ASIC2: variants seen among roughly 807,000 people sequenced by gnomAD.
The protein encoded by ASIC2 is acid-sensing ion channel 2.
ASIC2 carries 25 observed loss-of-function variants against 57.3 expected under a neutral mutation model. That is an observed-to-expected ratio of 0.44 (90% CI 0.32 to 0.61). The LOEUF is 0.61. ASIC2 is among the 20% of genes least tolerant of loss of function. The pLI, the probability that ASIC2 is intolerant of heterozygous loss-of-function variation, is 0.06. For synonymous variants in ASIC2, 319 were observed against 307.5 expected (o/e 1.04, Z -0.39); for missense variants, 641 against 738.1 (o/e 0.87, Z 1.52).
intron 3 of ASIC2, among the ~76,000 whole-genome samples, chr17:33,054,499 A>G (rs1870878907): frequency 6.6e-6 from 1 of 152,176 alleles, no homozygotes; most frequent in Non-Finnish European, 1.5e-5. Flanking sequence ...AACATTGTGC[A>G]GTCATGTGAG....
chr17:33,097,806 C>A (rs1185594089), intron 2 of ASIC2, among the ~76,000 whole-genome samples: 1 of 152,174 alleles, frequency 6.6e-6, no homozygotes, highest in East Asian at 1.9e-4. Flanking sequence ...GCAGCCCCAG[C>A]CTTGAGATCC....
intron 1 of ASIC2, among the ~76,000 whole-genome samples, chr17:33,910,127 T>A (rs1318954252): frequency 6.6e-6 from 1 of 152,212 alleles, no homozygotes; most frequent in Admixed American, 6.5e-5. Flanking sequence ...CTATTAATAT[T>A]CAAACAGCTT....
chr17:33,719,429 C>T (rs922846444), intron 1 of ASIC2, among the ~76,000 whole-genome samples: 12 of 152,208 alleles, frequency 7.9e-5, no homozygotes, highest in African/African-American at 2.4e-4. Flanking sequence ...CTGCTGCTAG[C>T]GCACAGAGCT....
chr17:34,094,335 A>G (rs1284487448), intron 1 of ASIC2, among the ~76,000 whole-genome samples: 5 of 152,222 alleles, frequency 3.3e-5, no homozygotes, highest in Non-Finnish European at 2.9e-5. Flanking sequence ...CCATGACTAC[A>G]TGCCTCATAT....
At chr17:33,587,206 C>A (rs1373249842) in intron 1 of ASIC2, among the ~76,000 whole-genome samples, 1 of 152,160 alleles carries the variant, frequency 6.6e-6, no homozygotes, top group East Asian at 1.9e-4. Context: ...ATATAGCCTG[C>A]AATGCTGGAA....
At chr17:33,743,361 CAT>C (rs1472647760) in intron 1 of ASIC2, among the ~76,000 whole-genome samples, 1 of 152,222 alleles carries the variant, frequency 6.6e-6, no homozygotes, top group Admixed American at 6.5e-5. Flanking sequence ...GAAGCTCCAT[CAT>C]GTGTGGGTGT....
chr17:33,663,531 T>C (rs1232042516), intron 1 of ASIC2, among the ~76,000 whole-genome samples: 1 of 150,972 alleles, frequency 6.6e-6, no homozygotes, highest in Non-Finnish European at 1.5e-5. Flanking sequence ...TTTTAGACCT[T>C]ACGTGTAAGG....
intron 1 of ASIC2, among the ~76,000 whole-genome samples, chr17:33,833,422 C>T (rs144844257): frequency 0.012 from 1,776 of 152,252 alleles, 17 homozygotes; most frequent in Middle Eastern, 0.02. Flanking sequence ...TCCAAATAGG[C>T]TATCTGCATT....
At chr17:33,662,427 C>A (rs892158445) in intron 1 of ASIC2, among the ~76,000 whole-genome samples, 1 of 151,864 alleles carries the variant, frequency 6.6e-6, no homozygotes, top group African/African-American at 2.4e-5. Flanking sequence ...TTGAGACCAG[C>A]CTGGCCAACA....
chr17:34,039,903 A>ACGCTCCTC, intron 1 of ASIC2: 2 of 1,566,836 alleles, frequency 1.3e-6, no homozygotes, highest in Non-Finnish European at 1.8e-6. Context: ...CTGCCGCTCC[A>ACGCTCCTC]CGCTCCTCCC....
chr17:33,717,286 G>GA (rs1289501286), intron 1 of ASIC2, among the ~76,000 whole-genome samples: 1 of 152,138 alleles, frequency 6.6e-6, no homozygotes, highest in African/African-American at 2.4e-5. Context: ...GATATTACTG[G>GA]AAAAAAATAG....
In ASIC2 at chr17:33,900,300, T is replaced by C. The variant is rs191259074; in HGVS notation, c.555+255678A>G. Among the ~76,000 whole-genome samples, 344 of 152,266 alleles carry C rather than the reference T, an allele frequency of 2.3e-3. 1 individual carries two copies. Among genetic ancestry groups the C allele is most frequent in the Admixed American group, 4.1e-3 (63 of 15,288 alleles). On this transcript the variant is annotated intron_variant, in intron 1 of 9. Transcript: ENST00000359872. ...GATGGAGTCTCCTGGGATATACCAG[T>C]GAGGGAAAGTTATTAGTGGTTTTGC...
At chr17:33,363,054 T>A (rs1443226297) in intron 1 of ASIC2, among the ~76,000 whole-genome samples, 2 of 152,218 alleles carry the variant, frequency 1.3e-5, no homozygotes, top group Non-Finnish European at 2.9e-5. Flanking sequence ...AATTGGCAGT[T>A]GCCTAATATA....
intron 1 of ASIC2, among the ~76,000 whole-genome samples, chr17:34,057,210 T>C (rs1442981900): frequency 6.6e-6 from 1 of 152,226 alleles, no homozygotes; most frequent in Non-Finnish European, 1.5e-5. Flanking sequence ...CAAGGAGAGT[T>C]AGATACCACA....
chr17:33,027,347 CA>C (rs2091863517), intron 4 of ASIC2, among the ~76,000 whole-genome samples: 1 of 152,064 alleles, frequency 6.6e-6, no homozygotes, highest in Admixed American at 6.5e-5. Context: ...ACCAAATGTC[CA>C]GTATAAGGAT....
chr17:33,031,596 C>T (rs1427011370), intron 3 of ASIC2, among the ~76,000 whole-genome samples: 1 of 152,130 alleles, frequency 6.6e-6, no homozygotes, highest in African/African-American at 2.4e-5. Context: ...TACTGTTTTA[C>T]AAAAGGCAAT....
intron 1 of ASIC2, among the ~76,000 whole-genome samples, chr17:33,148,440 T>G (rs1904653601): frequency 6.6e-6 from 1 of 152,120 alleles, no homozygotes; most frequent in Non-Finnish European, 1.5e-5. Context: ...ACCTAAACAT[T>G]AGGATGTGCG....
intron 1 of ASIC2, among the ~76,000 whole-genome samples, chr17:33,695,354 G>T (rs1454380953): frequency 6.6e-6 from 1 of 152,174 alleles, no homozygotes; most frequent in Non-Finnish European, 1.5e-5. Context: ...CCACTGCTAT[G>T]GGGTTGTGGG....
At chr17:33,236,785 G>A (rs193229900) in intron 1 of ASIC2, among the ~76,000 whole-genome samples, 11 of 152,236 alleles carry the variant, frequency 7.2e-5, no homozygotes, top group Admixed American at 2.0e-4. Context: ...AATGGGCCAC[G>A]TGTCAATGGA....
Sources: gnomAD v4.1 joint callset for allele counts (sites outside exome capture counted in the v4.1 genomes callset) on GRCh38, gnomAD v4.1.1 for gene constraint, MANE v1.5 for transcripts, NCBI Gene and HGNC (gene_info 2026-07-23, HGNC 2026-07-21) for gene names.